PEX26: variants seen among roughly 807,000 people sequenced by gnomAD.
The protein encoded by PEX26 is peroxisome assembly protein 26.
In PEX26, 18 loss-of-function variants were observed where a neutral mutation model predicts 31.4. That is an observed-to-expected ratio of 0.57 (90% CI 0.40 to 0.85). The LOEUF is 0.85. PEX26 is among the 40% of genes least tolerant of loss of function. The pLI, the probability that PEX26 is intolerant of heterozygous loss-of-function variation, is 0.00. For synonymous variants in PEX26, 176 were observed against 166.9 expected, an observed-to-expected ratio of 1.05 and a Z score of -0.42; for missense variants, 377 against 383.9, an observed-to-expected ratio of 0.98 and a Z score of 0.15.
In PEX26 at chr22:18,088,115, G is replaced by A. The variant is rs377066873; in HGVS notation, c.*40G>A. On this transcript the variant is annotated 3_prime_UTR_variant, in exon 5 of 5. Coordinates refer to ENST00000399744, the MANE Select transcript of PEX26 (RefSeq NM_001127649.3). This position sits in a 1 kb window ranked among gnomAD's most constrained non-coding sequence, Gnocchi z 4.1. ...CACAGCCTCTCTGCTCCTCACGTCC[G>A]TGGCCACAGAAGCAGAGCGACAGAG... 14 of 1,341,696 alleles carry A rather than the reference G, an allele frequency of 1.0e-5. No individual in the cohort carries two copies. Among genetic ancestry groups the A allele is most frequent in the Admixed American group, 1.0e-4 (6 of 59,668 alleles). The allele number at this position is 1,341,696 out of a possible 1,614,324, so 83.1% of individuals were successfully genotyped here.
Position 18,092,907 on chromosome 22 carries a change from A to G in PEX26, c.*4832A>G, listed in dbSNP as rs944213983. The G allele has an allele frequency of 2.0e-5, 3 of 152,070 alleles. No individual in the cohort carries two copies. The highest frequency in any genetic ancestry group is 4.8e-5 in the African/African-American group (2 of 41,422). 9.4% of individuals were successfully genotyped at this position (152,070 alleles called of 1,614,324 possible). On this transcript the variant is annotated 3_prime_UTR_variant, in exon 5 of 5. Transcript: ENST00000399744. The stretch of plus-strand genomic sequence containing the variant: ...CAAAAAGTTTACAAAAGAAAAAAAG[A>G]TACAGAAAAAGAATAACTTGCTTCA...
At position 18,088,110 on chromosome 22, in the gene PEX26, C is replaced by T. The variant is rs371445606; in HGVS notation, c.*35C>T. ...CGCACCACAGCCTCTCTGCTCCTCA[C>T]GTCCGTGGCCACAGAAGCAGAGCGA... On this transcript the variant is annotated 3_prime_UTR_variant, in exon 5 of 5. Coordinates refer to ENST00000399744, the MANE Select transcript of PEX26 (RefSeq NM_001127649.3). This position sits in a 1 kb window ranked among gnomAD's most constrained non-coding sequence, Gnocchi z 4.1. 62 of 1,366,036 alleles carry T rather than the reference C, an allele frequency of 4.5e-5. No homozygotes were observed. The East Asian group carries it at 6.4e-4, about 14-fold the overall frequency. The allele number at this position is 1,366,036 out of a possible 1,614,324, so 84.6% of individuals were successfully genotyped here. A position where few individuals can be genotyped will look rare whatever the true frequency, so the allele number is the denominator to read the frequency against.
Position 18,090,367 on chromosome 22 carries a change from C to G in PEX26, c.*2292C>G, listed in dbSNP as rs1209077490. The G allele has an allele frequency of 6.6e-6, 1 of 152,298 alleles. No individual in the cohort carries two copies. Among genetic ancestry groups the G allele is most frequent in the African/African-American group, 2.4e-5 (1 of 41,456 alleles). 9.4% of individuals were successfully genotyped at this position (152,298 alleles called of 1,614,324 possible). A position where few individuals can be genotyped will look rare whatever the true frequency, so the allele number is the denominator to read the frequency against. ...CCCTGTTGATTATATGTGCGGCCTT[C>G]CAGCTGCCCACCATCACAGCTACAG... On this transcript the variant is annotated 3_prime_UTR_variant, in exon 5 of 5. Transcript: ENST00000399744.
rs1484514801 is a variant in PEX26 at position 18,104,367 on chromosome 22, A to G, written c.*16292A>G. ...AGGCATGCACCACCACGCCTGGCTA[A>G]TTTTTGTATTTTTAGTAGAGACGGG... On this transcript the variant is annotated 3_prime_UTR_variant, in exon 5 of 5. Coordinates refer to ENST00000399744, the MANE Select transcript of PEX26 (RefSeq NM_001127649.3). The G allele has an allele frequency of 6.6e-6, 1 of 151,906 alleles. No individual in the cohort carries two copies. The highest frequency in any genetic ancestry group is 6.6e-5 in the Admixed American group (1 of 15,206). The allele number at this position is 151,906 out of a possible 1,614,324, so 9.4% of individuals were successfully genotyped here. A position where few individuals can be genotyped will look rare whatever the true frequency, so the allele number is the denominator to read the frequency against.
At chr22:18,081,260 A>ACACACACT (rs1556587721) in intron 2 of PEX26, among the ~76,000 whole-genome samples, 1 of 149,676 alleles carries the variant, frequency 6.7e-6, no homozygotes, top group Non-Finnish European at 1.5e-5. Context: ...ACACACACAC[A>ACACACACT]CACACACACA....
Position 18,097,093 on chromosome 22 carries a change from G to A in PEX26, c.*9018G>A, listed in dbSNP as rs915643925. ...GACTCACTATCACAAGAACAACAGG[G>A]GAGAAACTGTTCCTGTGATCCAGTC... is the stretch of plus-strand genomic sequence containing the variant. On this transcript the variant is annotated 3_prime_UTR_variant, in exon 5 of 5. Transcript: ENST00000399744. 6.6e-6 allele frequency: 1 copy of A among 152,030 alleles called. No individual in the cohort carries two copies. Among genetic ancestry groups the A allele is most frequent in the Non-Finnish European group, 1.5e-5 (1 of 68,024 alleles). The allele number at this position is 152,030 out of a possible 1,614,324, so 9.4% of individuals were successfully genotyped here.
rs897560688 is a variant in PEX26, at chr22:18,088,365, A to G, written c.*290A>G. On this transcript the variant is annotated 3_prime_UTR_variant, in exon 5 of 5. Coordinates refer to ENST00000399744, the MANE Select transcript of PEX26 (RefSeq NM_001127649.3). This position sits in a 1 kb window ranked among gnomAD's most constrained non-coding sequence, Gnocchi z 4.1. Reference sequence around the variant, plus strand: ...GGGTTTGGGGACAGGGACTGTGTCCATGAAACATTCCATCTTCTTGGTGAA... The same window carrying G: ...GGGTTTGGGGACAGGGACTGTGTCCGTGAAACATTCCATCTTCTTGGTGAA... 1.5e-5 allele frequency: 8 copies of G among 526,092 alleles called. No homozygotes were observed. Among genetic ancestry groups the G allele is most frequent in the African/African-American group, 1.3e-4 (7 of 52,538 alleles). The allele number at this position is 526,092 out of a possible 1,614,324, so 32.6% of individuals were successfully genotyped here.
At chr22:18,080,904 C>A (rs917412436) in intron 2 of PEX26, among the ~76,000 whole-genome samples, 1 of 151,268 alleles carries the variant, frequency 6.6e-6, no homozygotes, top group Non-Finnish European at 1.5e-5. Flanking sequence ...TAACTTTGTA[C>A]CCATTGACGA....
Position 18,095,210 on chromosome 22 carries a change from T to A in PEX26, c.*7135T>A, listed in dbSNP as rs1017215962. On this transcript the variant is annotated 3_prime_UTR_variant, in exon 5 of 5. Coordinates refer to ENST00000399744, the MANE Select transcript of PEX26 (RefSeq NM_001127649.3). Reference sequence around the variant, plus strand: ...CAGGGGAGGGCTCTGTGCTTTGGCATCTGTTTAGTAGTATCGTCGCCCAGC... The same window carrying A: ...CAGGGGAGGGCTCTGTGCTTTGGCAACTGTTTAGTAGTATCGTCGCCCAGC... The A allele has an allele frequency of 6.6e-6, 1 of 152,150 alleles. No individual in the cohort carries two copies. Among genetic ancestry groups the A allele is most frequent in the Non-Finnish European group, 1.5e-5 (1 of 68,046 alleles). 9.4% of individuals were successfully genotyped at this position (152,150 alleles called of 1,614,324 possible). A position where few individuals can be genotyped will look rare whatever the true frequency, so the allele number is the denominator to read the frequency against.
At chr22:18,078,851 A>G (rs1926425910) in intron 1 of PEX26, 1 of 683,632 alleles carries the variant, frequency 1.5e-6, no homozygotes, top group Non-Finnish European at 2.7e-6. Context: ...AGGTACAATG[A>G]CATGATGGGA....
chr22:18,087,978 C>T lies in PEX26; in HGVS notation c.821C>T (p.Pro274Leu). Residue 274 changes from proline to leucine, a missense_variant, in exon 5 of 5, where the codon CCT (proline) becomes CTT (leucine). Physicochemically the swap from Pro to Leu is moderately conservative, Grantham distance 98 (BLOSUM62 -3). Transcript: ENST00000399744. Reference protein sequence around the residue: ...LLVVRFDPASPSSLHFLYKLA... With the variant: ...LLVVRFDPASLSSLHFLYKLA... ...GTCTCCCTCTGCCCTGCAGCTTCCC[C>T]TTCCTCCCTGCACTTCCTCTACAAG... 1 of 1,610,520 alleles carries T rather than the reference C, an allele frequency of 6.2e-7. No homozygotes were observed. The highest frequency in any genetic ancestry group is 1.1e-5 in the South Asian group (1 of 91,028).
chr22:18,098,390 G>A lies in PEX26; in HGVS notation c.*10315G>A, dbSNP rs1927356803. 6.6e-6 allele frequency: 1 copy of A among 151,868 alleles called. No homozygotes were observed. Among genetic ancestry groups the A allele is most frequent in the Non-Finnish European group, 1.5e-5 (1 of 67,994 alleles). 9.4% of individuals were successfully genotyped at this position (151,868 alleles called of 1,614,324 possible). On this transcript the variant is annotated 3_prime_UTR_variant, in exon 5 of 5. Coordinates refer to ENST00000399744, the MANE Select transcript of PEX26 (RefSeq NM_001127649.3). ...AAATTATCTTCCTTGGCTGGGTGCG[G>A]TGGCTCATGCCTGCAATCCCAGCAC...
chr22:18,081,213 A>G (rs910550852), intron 2 of PEX26, among the ~76,000 whole-genome samples: 39 of 147,268 alleles, frequency 2.6e-4, no homozygotes, highest in African/African-American at 9.6e-4. Context: ...ATAAACACAT[A>G]TATACACATA....
At position 18,102,700 on chromosome 22, in the gene PEX26, C is replaced by T. The variant is rs1027408791; in HGVS notation, c.*14625C>T. On this transcript the variant is annotated 3_prime_UTR_variant, in exon 5 of 5. Transcript: ENST00000399744. ...ACCAGCCCCTTCATCTTTATCATGC[C>T]TAATATTGTGAAGGCCATGTGCTAA... is the stretch of plus-strand genomic sequence containing the variant. 6.6e-6 allele frequency: 1 copy of T among 152,206 alleles called. No homozygotes were observed. The highest frequency in any genetic ancestry group is 1.5e-5 in the Non-Finnish European group (1 of 68,052). 9.4% of individuals were successfully genotyped at this position (152,206 alleles called of 1,614,324 possible).
At position 18,092,830 on chromosome 22, in the gene PEX26, G is replaced by GGT. The variant is rs1379478295; in HGVS notation, c.*4756_*4757insTG. ...GACCCCATTTCTTTTTTTTGGGGGG[G>GGT]GGGTGGGTTATAAAAGCCCTTTTAT... is the stretch of plus-strand genomic sequence containing the variant. On this transcript the variant is annotated 3_prime_UTR_variant, in exon 5 of 5. Transcript: ENST00000399744. 8.2e-5 allele frequency: 8 copies of GGT among 97,622 alleles called. No homozygotes were observed. Among genetic ancestry groups the GGT allele is most frequent in the South Asian group, 4.6e-4 (1 of 2,170 alleles). 6.0% of individuals were successfully genotyped at this position (97,622 alleles called of 1,614,324 possible).
rs900727941 is a variant in PEX26 at position 18,078,745 on chromosome 22, G to A, written c.230+139G>A. On this transcript the variant is annotated intron_variant, in intron 1 of 4. Transcript: ENST00000399744. ...TCATCAGTGGTTTGTCTCCGAGAGG[G>A]TGGTCGCTCATCGTGTGCCCATTCT... is the stretch of plus-strand genomic sequence containing the variant. 3 of 828,202 alleles carry A rather than the reference G, an allele frequency of 3.6e-6. No homozygotes were observed. The African/African-American group carries it at 5.0e-5, about 14-fold the overall frequency. 51.3% of individuals were successfully genotyped at this position (828,202 alleles called of 1,614,324 possible).
chr22:18,087,299 T>G (rs981672918), intron 4 of PEX26, among the ~76,000 whole-genome samples: 1 of 152,154 alleles, frequency 6.6e-6, no homozygotes, highest in African/African-American at 2.4e-5. Context: ...GGTCTCCAAC[T>G]TCTGGCCTTA....
rs759461671 is a variant in PEX26, at chr22:18,078,738, C to G, written c.230+132C>G. On this transcript the variant is annotated intron_variant, in intron 1 of 4. Transcript: ENST00000399744. ...CTCGCTTTCATCAGTGGTTTGTCTC[C>G]GAGAGGGTGGTCGCTCATCGTGTGC... 3 of 856,234 alleles carry G rather than the reference C, an allele frequency of 3.5e-6. No individual in the cohort carries two copies. The African/African-American group carries it at 5.0e-5, about 14-fold the overall frequency. The allele number at this position is 856,234 out of a possible 1,614,324, so 53.0% of individuals were successfully genotyped here. A position where few individuals can be genotyped will look rare whatever the true frequency, so the allele number is the denominator to read the frequency against.
At chr22:18,085,472 C>T (rs1374877124) in intron 4 of PEX26, among the ~76,000 whole-genome samples, 1 of 152,162 alleles carries the variant, frequency 6.6e-6, no homozygotes, top group Admixed American at 6.5e-5. Context: ...ATGAGAGCAG[C>T]CAGGAGAAAG....
Sources: allele counts gnomAD v4.1 joint callset (sites outside exome capture counted in the v4.1 genomes callset), GRCh38; gene constraint gnomAD v4.1.1; non-coding constraint Gnocchi (gnomAD v3.1); transcripts MANE v1.5; gene names NCBI Gene and HGNC (gene_info 2026-07-23, HGNC 2026-07-21).